SATB1: variants seen among roughly 807,000 people sequenced by gnomAD.
SATB1 encodes DNA-binding protein SATB1.
SATB1 carries 11 observed loss-of-function variants against 86.9 expected under a neutral mutation model. The ratio of observed to expected loss-of-function variants is 0.13; its 90% CI spans 0.08 to 0.21. The LOEUF (loss-of-function observed/expected upper bound fraction) is 0.21, where lower values mean the gene tolerates loss of function less well. Ranked by LOEUF, SATB1 falls within the 10% of genes least tolerant of loss-of-function variation. The pLI, the probability that SATB1 is intolerant of heterozygous loss-of-function variation, is 1.00. For synonymous variants in SATB1, 357 were observed against 357.2 expected (o/e 1.00, Z 0.01); for missense variants, 551 against 937.6 (o/e 0.59, Z 5.39).
rs1385247293 is a variant in SATB1, at chr3:18,349,722, T to C, written c.1780-40A>G. The C allele has an allele frequency of 5.2e-6, 8 of 1,550,616 alleles. No homozygotes were observed. Among genetic ancestry groups the C allele is most frequent in the Non-Finnish European group, 7.0e-6 (8 of 1,149,698 alleles). Reference sequence around the variant, plus strand: ...GGAGACAATCAGAGCTCTGCTATCGTGGAGTTCCACACAAAGCCGTCTCCA... The same window carrying C: ...GGAGACAATCAGAGCTCTGCTATCGCGGAGTTCCACACAAAGCCGTCTCCA... On this transcript the variant is annotated intron_variant, in intron 10 of 10. Transcript: ENST00000338745. The surrounding 1 kb of genome is among the most constrained non-coding windows in gnomAD (Gnocchi z 5.5).
chr3:18,359,386 C>A (rs1007948650), intron 9 of SATB1, among the ~76,000 whole-genome samples: 3 of 151,780 alleles, frequency 2.0e-5, no homozygotes, highest in Middle Eastern at 3.4e-3. Context: ...GAGAAAAAAA[C>A]AAACAGGAAT....
chr3:18,433,371 T>C (rs1035885868), intron 2 of SATB1, among the ~76,000 whole-genome samples: 1 of 152,164 alleles, frequency 6.6e-6, no homozygotes, highest in Non-Finnish European at 1.5e-5. Flanking sequence ...ATTCTATTTT[T>C]TTAATAAAAG....
rs1200502052 is a variant in SATB1, at chr3:18,347,557, T to G, written c.*1613A>C. 1 of 152,138 alleles carries G rather than the reference T, an allele frequency of 6.6e-6. No individual in the cohort carries two copies. Among genetic ancestry groups the G allele is most frequent in the African/African-American group, 2.4e-5 (1 of 41,436 alleles). 9.4% of individuals were successfully genotyped at this position (152,138 alleles called of 1,614,324 possible). A position where few individuals can be genotyped will look rare whatever the true frequency, so the allele number is the denominator to read the frequency against. ...TTTTCCCCTACTTATTTTGTTACTA[T>G]TAATGGCCTTTAGAAATATTTATAC... is the stretch of plus-strand genomic sequence containing the variant. On this transcript the variant is annotated 3_prime_UTR_variant, in exon 11 of 11. Coordinates refer to ENST00000338745, the MANE Select transcript of SATB1 (RefSeq NM_002971.6).
chr3:18,378,447 A>G, intron 8 of SATB1, 122 bp from the exon 9 acceptor site: 5 of 929,174 alleles, frequency 5.4e-6, no homozygotes, highest in African/African-American at 1.7e-5. Flanking sequence ...TCAACAGTGC[A>G]GTCATTCAAC....
rs551202246 is a variant in SATB1, at chr3:18,346,111, C to A, written c.*3059G>T. 6.6e-6 allele frequency: 1 copy of A among 152,224 alleles called. No individual in the cohort carries two copies. Among genetic ancestry groups the A allele is most frequent in the South Asian group, 2.1e-4 (1 of 4,828 alleles). The allele number at this position is 152,224 out of a possible 1,614,324, so 9.4% of individuals were successfully genotyped here. A position where few individuals can be genotyped will look rare whatever the true frequency, so the allele number is the denominator to read the frequency against. ...GACTTTGTTACCAAGCGCCACACAA[C>A]TAGGACATACATATTAGTTACCTTG... On this transcript the variant is annotated 3_prime_UTR_variant, in exon 11 of 11. Coordinates refer to ENST00000338745, the MANE Select transcript of SATB1 (RefSeq NM_002971.6).
chr3:18,399,143 C>G (rs145659522), intron 5 of SATB1, among the ~76,000 whole-genome samples: 220 of 152,274 alleles, frequency 1.4e-3, no homozygotes, highest in Non-Finnish European at 2.3e-3. Flanking sequence ...TGGTTTATGT[C>G]TTACTTTTTA....
Position 18,420,906 on chromosome 3 carries a change from C to T in SATB1, c.62G>A (p.Ser21Asn). The change falls in exon 2 of 11, where the codon AGT (serine) becomes AAT (asparagine). Residue 21 changes from serine to asparagine, a missense_variant. Physicochemically the swap from Ser to Asn is conservative, Grantham distance 46. This residue lies in a region of SATB1 where 153 missense variants were observed against 258.1 expected (regional missense o/e 0.59). Transcript: ENST00000338745. Reference sequence around the variant, plus strand: ...CTTGGCTGGTGGACCCTTCGGATCACTCACATTGTTAGACATTTCTGAATG... The same window carrying T: ...CTTGGCTGGTGGACCCTTCGGATCATTCACATTGTTAGACATTTCTGAATG... ...KEHSEMSNNVSDPKGPPAKIA... is the reference protein window; with the variant it reads ...KEHSEMSNNVNDPKGPPAKIA... The T allele has an allele frequency of 1.2e-6, 2 of 1,614,246 alleles. No individual in the cohort carries two copies. Among genetic ancestry groups the T allele is most frequent in the Non-Finnish European group, 1.7e-6 (2 of 1,180,048 alleles).
chr3:18,417,175 A>C, intron 2 of SATB1, 97 bp from the exon 3 acceptor site: 1 of 1,258,312 alleles, frequency 7.9e-7, no homozygotes, highest in Admixed American at 2.0e-5. Context: ...GAAAATAAAT[A>C]ATCACAAGAG....
intron 9 of SATB1, among the ~76,000 whole-genome samples, chr3:18,364,712 T>C (rs574722518): frequency 2.4e-3 from 361 of 151,964 alleles, no homozygotes; most frequent in Non-Finnish European, 3.8e-3. Flanking sequence ...AATATATATG[T>C]ATGTATGTAT....
At chr3:18,351,474 C>A in intron 10 of SATB1, 1 of 1,230,436 alleles carries the variant, frequency 8.1e-7, no homozygotes. Flanking sequence ...GGGGAGACAG[C>A]TATTACATAC....
chr3:18,403,478 A>G (rs1697369149), intron 5 of SATB1, among the ~76,000 whole-genome samples: 1 of 152,104 alleles, frequency 6.6e-6, no homozygotes, highest in African/African-American at 2.4e-5. Context: ...AGCAAGGGAA[A>G]TAATCTTGCA....
chr3:18,353,576 G>A (rs1694482304), intron 9 of SATB1, among the ~76,000 whole-genome samples: 1 of 152,072 alleles, frequency 6.6e-6, no homozygotes, highest in Admixed American at 6.5e-5. Context: ...ATCTAGCCAA[G>A]GAGGGTTTTG....
At chr3:18,389,258 T>C (rs1444885409) in intron 7 of SATB1, among the ~76,000 whole-genome samples, 6 of 125,496 alleles carry the variant, frequency 4.8e-5, no homozygotes, top group Admixed American at 3.9e-4. Flanking sequence ...CAGAAACCTT[T>C]GGGTTTTTTT....
intron 6 of SATB1, among the ~76,000 whole-genome samples, chr3:18,395,991 T>C (rs1696945233): frequency 6.6e-6 from 1 of 152,232 alleles, no homozygotes; most frequent in Non-Finnish European, 1.5e-5. Context: ...CTCTTTTCAT[T>C]AAATATGCAG....
In SATB1 at chr3:18,417,048, T is replaced by C; in HGVS notation, c.242A>G (p.Glu81Gly). Residue 81 changes from glutamate to glycine, a missense_variant, in exon 3 of 11, where the codon GAA (glutamate) becomes GGA (glycine). Physicochemically the swap from Glu to Gly is moderately conservative, Grantham distance 98 (BLOSUM62 -2). Coordinates refer to ENST00000338745, the MANE Select transcript of SATB1 (RefSeq NM_002971.6). Reference protein sequence around the residue: ...GTMLPVFCVVEHYENAIEYDC... With the variant: ...GTMLPVFCVVGHYENAIEYDC... ...ATATTCAATGGCGTTTTCATAATGTTCCACCACACAGAAAACTGGCAGCAT... is the reference window on the plus strand; with the variant it reads ...ATATTCAATGGCGTTTTCATAATGTCCCACCACACAGAAAACTGGCAGCAT... 1 of 1,613,196 alleles carries C rather than the reference T, an allele frequency of 6.2e-7. No homozygotes were observed. Among genetic ancestry groups the C allele is most frequent in the Non-Finnish European group, 8.5e-7 (1 of 1,179,518 alleles).
At chr3:18,369,729 AAGG>A (rs969041068) in intron 9 of SATB1, among the ~76,000 whole-genome samples, 13 of 152,086 alleles carry the variant, frequency 8.5e-5, no homozygotes, top group Non-Finnish European at 2.9e-5. Flanking sequence ...TGGGAGGAAA[AAGG>A]AGGAGGAGAG....
At chr3:18,351,727 A>T in intron 10 of SATB1, 1 of 533,834 alleles carries the variant, frequency 1.9e-6, no homozygotes, top group Non-Finnish European at 3.3e-6. Context: ...CAATACCAAC[A>T]AAGACACATT....
chr3:18,380,603 G>A (rs1228202301), intron 8 of SATB1, among the ~76,000 whole-genome samples: 2 of 151,894 alleles, frequency 1.3e-5, no homozygotes, highest in African/African-American at 4.8e-5. Flanking sequence ...CAATTACAAA[G>A]TTAGAAAGTA....
chr3:18,396,700 C>T (rs9283052), intron 6 of SATB1, among the ~76,000 whole-genome samples: 1 of 152,110 alleles, frequency 6.6e-6, no homozygotes, highest in Admixed American at 6.5e-5. Context: ...CCATCCATGG[C>T]GGCTGGGGGT....
Sources: allele counts gnomAD v4.1 joint callset (sites outside exome capture counted in the v4.1 genomes callset), GRCh38; gene constraint gnomAD v4.1.1; regional missense constraint gnomAD v4.1.1; non-coding constraint Gnocchi (gnomAD v3.1); transcripts MANE v1.5; gene names NCBI Gene and HGNC (gene_info 2026-07-23, HGNC 2026-07-21).